PLCB4: variants seen among roughly 807,000 people sequenced by gnomAD.
PLCB4 encodes 1-phosphatidylinositol 4,5-bisphosphate phosphodiesterase beta-4.
A neutral mutation model predicts 178.8 loss-of-function variants in PLCB4; 77 were observed. That is an observed-to-expected ratio of 0.43 (90% CI 0.36 to 0.52). The LOEUF is 0.52. Among genes scored for constraint, PLCB4 ranks in the 20% least tolerant of loss-of-function variants. The pLI, the probability that PLCB4 is intolerant of heterozygous loss-of-function variation, is 0.00. For synonymous variants in PLCB4, 496 were observed against 490.8 expected (o/e 1.01, Z -0.14); for missense variants, 1,024 against 1,453.4 (o/e 0.70, Z 4.80).
At chr20:9,211,096 T>G (rs1257256344) in intron 2 of PLCB4, among the ~76,000 whole-genome samples, 1 of 152,202 alleles carries the variant, frequency 6.6e-6, no homozygotes, top group Non-Finnish European at 1.5e-5. Context: ...TTTTTTAACC[T>G]GCGATTCATT....
intron 1 of PLCB4, among the ~76,000 whole-genome samples, chr20:9,083,576 T>TCAGAATA (rs1286704799): frequency 6.6e-6 from 1 of 152,192 alleles, no homozygotes; most frequent in Non-Finnish European, 1.5e-5. Context: ...CCCTGGGCCT[T>TCAGAATA]CAGAATACAA....
At chr20:9,075,006 C>A (rs1377482127) in intron 1 of PLCB4, among the ~76,000 whole-genome samples, 3 of 151,976 alleles carry the variant, frequency 2.0e-5, no homozygotes, top group Non-Finnish European at 2.9e-5. Context: ...ATAATAACAA[C>A]AACAAAATAA....
chr20:9,399,887 G>A (rs1041533569), intron 19 of PLCB4, among the ~76,000 whole-genome samples: 4 of 152,328 alleles, frequency 2.6e-5, no homozygotes, highest in Middle Eastern at 3.4e-3. Context: ...GTAGGTCATG[G>A]AAACCTAGTC....
chr20:9,438,157 G>A (rs1452880612), intron 30 of PLCB4, among the ~76,000 whole-genome samples: 3 of 152,062 alleles, frequency 2.0e-5, no homozygotes, highest in Non-Finnish European at 4.4e-5. Flanking sequence ...ATGAGGTCAG[G>A]AGATCGAGAC....
At chr20:9,459,093 C>T (rs913417250) in intron 34 of PLCB4, among the ~76,000 whole-genome samples, 2 of 152,282 alleles carry the variant, frequency 1.3e-5, no homozygotes, top group African/African-American at 4.8e-5. Context: ...CCTGTAATCC[C>T]GGCACTCTGG....
rs114536474 is a variant in PLCB4, at chr20:9,153,446, G to C, written c.-79+57104G>C. Among the ~76,000 whole-genome samples, 291 of 152,212 alleles carry C rather than the reference G, an allele frequency of 1.9e-3. 1 individual carries two copies. The highest frequency in any genetic ancestry group is 0.013 in the South Asian group (62 of 4,810). ...GTGAATACATCTTGAGATCTGATGG[G>C]TTTATCAGGGGTTCCCACTCTTGCT... On this transcript the variant is annotated intron_variant, in intron 2 of 39. Coordinates refer to ENST00000378473, the MANE Select transcript of PLCB4 (RefSeq NM_001377142.1).
chr20:9,455,399 A>C (rs570575036), intron 33 of PLCB4, among the ~76,000 whole-genome samples: 1 of 152,332 alleles, frequency 6.6e-6, no homozygotes, highest in South Asian at 2.1e-4. Flanking sequence ...TTCTGATTCA[A>C]TCAATCATGA....
In PLCB4 at chr20:9,453,467, T is replaced by C; in HGVS notation, c.2996+5T>C. 5.2e-6 allele frequency: 7 copies of C among 1,357,848 alleles called. No homozygotes were observed. The highest frequency in any genetic ancestry group is 7.4e-6 in the Non-Finnish European group (7 of 950,186). The allele number at this position is 1,357,848 out of a possible 1,614,324, so 84.1% of individuals were successfully genotyped here. ...GAAGGCAATGAAGAAGAAGGGGTAA[T>C]ACTGTTTATTTCCTTCTGAAGACTT... On this transcript the variant is annotated splice_donor_5th_base_variant and intron_variant, in intron 33 of 39. Coordinates refer to ENST00000378473, the MANE Select transcript of PLCB4 (RefSeq NM_001377142.1).
At position 9,346,089 on chromosome 20, in the gene PLCB4, AG is replaced by A. The variant is rs2033769151; in HGVS notation, c.369+7054del. Among the ~76,000 whole-genome samples the A allele has an allele frequency of 2.6e-5, 4 of 152,322 alleles. No homozygotes were observed. In the South Asian group the frequency reaches 6.2e-4, roughly 24 times the overall value. ...CCACAGCATTACCCCAAGGGATCAG[AG>A]GCTTCAGCCTCGTCTGGGGACTTCT... On this transcript the variant is annotated intron_variant, in intron 7 of 39. Coordinates refer to ENST00000378473, the MANE Select transcript of PLCB4 (RefSeq NM_001377142.1).
chr20:9,246,214 A>C (rs571674055), intron 3 of PLCB4, among the ~76,000 whole-genome samples: 2 of 152,024 alleles, frequency 1.3e-5, no homozygotes, highest in Non-Finnish European at 2.9e-5. Context: ...GTTATTGACA[A>C]TTCCTTCCAT....
chr20:9,377,214 A>G (rs2036751122), intron 12 of PLCB4, among the ~76,000 whole-genome samples: 1 of 152,182 alleles, frequency 6.6e-6, no homozygotes, highest in African/African-American at 2.4e-5. Context: ...ACTTGGACAC[A>G]GTTCTGTGAC....
At chr20:9,119,530 A>AC (rs1250041217) in intron 2 of PLCB4, among the ~76,000 whole-genome samples, 1 of 151,896 alleles carries the variant, frequency 6.6e-6, no homozygotes, top group Non-Finnish European at 1.5e-5. Context: ...AAAAAAAAAA[A>AC]AACAAAGTAG....
At chr20:9,432,902 T>G (rs554985232) in intron 28 of PLCB4, among the ~76,000 whole-genome samples, 21 of 152,292 alleles carry the variant, frequency 1.4e-4, no homozygotes, top group Non-Finnish European at 2.5e-4. Flanking sequence ...CTGTGTCTCC[T>G]CCAGACACTA....
intron 1 of PLCB4, among the ~76,000 whole-genome samples, chr20:9,090,132 T>C (rs572784163): frequency 7.2e-5 from 11 of 152,116 alleles, no homozygotes; most frequent in Non-Finnish European, 1.5e-4. Flanking sequence ...TTTAAAATCA[T>C]TGGCCTTTGG....
Position 9,423,236 on chromosome 20 carries a change from A to G in PLCB4, c.2320-512A>G, listed in dbSNP as rs142450495. On this transcript the variant is annotated intron_variant, in intron 27 of 39. Transcript: ENST00000378473. ...GGACCCAAATTTATGTACAAAAGTT[A>G]TCTCTTATGCATGAAGCATTTATTC... Among the ~76,000 whole-genome samples, 701 of 152,372 alleles carry G rather than the reference A, an allele frequency of 4.6e-3. 9 individuals are homozygous for G. Among genetic ancestry groups the G allele is most frequent in the African/African-American group, 0.016 (675 of 41,592 alleles).
chr20:9,112,332 G>A lies in PLCB4; in HGVS notation c.-79+15990G>A, dbSNP rs1600489412. Among the ~76,000 whole-genome samples the A allele has an allele frequency of 5.4e-5, 8 of 148,670 alleles. 1 individual carries two copies. ...GTACAGTGGATGATCTCAGCTCACTGCAACCTCTGCCTCCTGGGTTCAAGT... is the reference window on the plus strand; with the variant it reads ...GTACAGTGGATGATCTCAGCTCACTACAACCTCTGCCTCCTGGGTTCAAGT... On this transcript the variant is annotated intron_variant, in intron 2 of 39. Transcript: ENST00000378473.
At chr20:9,337,817 A>G (rs550362926) in intron 5 of PLCB4, among the ~76,000 whole-genome samples, 191 bp from the exon 6 acceptor site, 2 of 152,242 alleles carry the variant, frequency 1.3e-5, no homozygotes, top group South Asian at 4.1e-4. Context: ...ATATATGTGA[A>G]ATGGAATACT....
At chr20:9,351,227 G>A (rs2034312736) in intron 7 of PLCB4, among the ~76,000 whole-genome samples, 1 of 150,840 alleles carries the variant, frequency 6.6e-6, no homozygotes, top group African/African-American at 2.4e-5. Context: ...GGGTACATAT[G>A]CACAACGTGC....
chr20:9,401,386 C>G, intron 19 of PLCB4, 104 bp from the exon 20 acceptor site: 1 of 725,846 alleles, frequency 1.4e-6, no homozygotes. Context: ...CTTTTAGCAT[C>G]CTTTTTCTCT....
Sources: gnomAD v4.1 joint callset for allele counts (sites outside exome capture counted in the v4.1 genomes callset) on GRCh38, gnomAD v4.1.1 for gene constraint, MANE v1.5 for transcripts, NCBI Gene and HGNC (gene_info 2026-07-23, HGNC 2026-07-21) for gene names.